The following MCPH1 variants were observed in gnomAD, a reference collection of about 807,000 sequenced individuals.
MCPH1 encodes microcephalin 1.
MCPH1 carries 104 observed loss-of-function variants against 84.5 expected under a neutral mutation model. That is an observed-to-expected ratio of 1.23 (90% CI 1.05 to 1.45). The LOEUF is 1.45. Among genes scored for constraint, MCPH1 ranks in the 40% most tolerant of loss-of-function variants. MCPH1 has a pLI of 0.00. For synonymous variants in MCPH1, 514 were observed against 366.8 expected (o/e 1.40, Z -4.58); for missense variants, 1,498 against 1,005.7 (o/e 1.49, Z -6.62).
At chr8:6,486,531 T>C (rs1349435657) in intron 11 of MCPH1, among the ~76,000 whole-genome samples, 1 of 152,212 alleles carries the variant, frequency 6.6e-6, no homozygotes, top group East Asian at 1.9e-4. Context: ...GCTAGTCTTA[T>C]CAGAAACTGT....
chr8:6,594,614 A>G (rs1308732210), intron 12 of MCPH1, among the ~76,000 whole-genome samples: 1 of 152,130 alleles, frequency 6.6e-6, no homozygotes, highest in African/African-American at 2.4e-5. Flanking sequence ...TGTTTGGAGT[A>G]TTGCCAACTG....
At position 6,414,838 on chromosome 8, in the gene MCPH1, C is replaced by G; in HGVS notation, c.188C>G (p.Ala63Gly). 1 of 1,613,788 alleles carries G rather than the reference C, an allele frequency of 6.2e-7. No individual in the cohort carries two copies. The highest frequency in any genetic ancestry group is 2.2e-5 in the East Asian group (1 of 44,880). ...GGCTACCAGAGCACTTGGGACAAAG[C>G]TCAGAAGAGAGGCGTAAAGCTCGTT... Reference protein sequence around the residue: ...KDGYQSTWDKAQKRGVKLVSV... With the variant: ...KDGYQSTWDKGQKRGVKLVSV... The change falls in exon 3 of 14, where the codon GCT (alanine) becomes GGT (glycine). Residue 63 changes from alanine to glycine, a missense_variant. Physicochemically the swap from Ala to Gly is moderately conservative, Grantham distance 60. Coordinates refer to ENST00000344683, the MANE Select transcript of MCPH1 (RefSeq NM_024596.5).
At chr8:6,579,246 G>A (rs550283261) in intron 12 of MCPH1, among the ~76,000 whole-genome samples, 42 of 152,288 alleles carry the variant, frequency 2.8e-4, no homozygotes, top group Non-Finnish European at 2.5e-4. Context: ...AAGTGACATC[G>A]GCAGAGTTCC....
chr8:6,451,352 A>G (rs1434737351), intron 8 of MCPH1, among the ~76,000 whole-genome samples: 3 of 152,236 alleles, frequency 2.0e-5, no homozygotes, highest in Non-Finnish European at 1.5e-5. Flanking sequence ...CAATGTATAA[A>G]CAGTGAGAGA....
intron 4 of MCPH1, among the ~76,000 whole-genome samples, chr8:6,432,349 AT>A (rs1011714269): frequency 4.6e-5 from 7 of 151,574 alleles, no homozygotes; most frequent in Non-Finnish European, 8.8e-5. Flanking sequence ...GTTACACTGT[AT>A]TTTTTTTTAA....
At chr8:6,469,060 G>A (rs1807370746) in intron 9 of MCPH1, among the ~76,000 whole-genome samples, 3 of 152,008 alleles carry the variant, frequency 2.0e-5, no homozygotes. Context: ...AGTTGGACAT[G>A]ATGGTGGCCA....
chr8:6,485,821 A>G (rs1300126382), intron 11 of MCPH1, among the ~76,000 whole-genome samples: 2 of 152,106 alleles, frequency 1.3e-5, no homozygotes, highest in Non-Finnish European at 2.9e-5. Flanking sequence ...ATATAAATAT[A>G]TGTTTGTGTG....
At chr8:6,532,230 C>G in intron 12 of MCPH1, 2 of 1,346,190 alleles carry the variant, frequency 1.5e-6, no homozygotes, top group Non-Finnish European at 2.1e-6. Context: ...TGTGGTGGTG[C>G]TTTCTTTAGT....
chr8:6,611,185 T>G (rs1259180719), intron 12 of MCPH1, among the ~76,000 whole-genome samples: 1 of 152,102 alleles, frequency 6.6e-6, no homozygotes, highest in Admixed American at 6.5e-5. Flanking sequence ...GTATGGGTTT[T>G]TTTCATGCCA....
intron 12 of MCPH1, among the ~76,000 whole-genome samples, chr8:6,543,246 C>T (rs1332546892): frequency 6.6e-6 from 1 of 152,198 alleles, no homozygotes; most frequent in Non-Finnish European, 1.5e-5. Context: ...CACGAAGACT[C>T]AGCGGGAACA....
intron 12 of MCPH1, among the ~76,000 whole-genome samples, chr8:6,531,974 A>G (rs17077416): frequency 0.045 from 6,861 of 152,224 alleles, 560 homozygotes; most frequent in African/African-American, 0.16. Context: ...CATTTCTCAA[A>G]TGTTCAAAGA....
At chr8:6,473,662 G>A (rs888293321) in intron 9 of MCPH1, among the ~76,000 whole-genome samples, 1 of 152,168 alleles carries the variant, frequency 6.6e-6, no homozygotes, top group African/African-American at 2.4e-5. Flanking sequence ...TATATTTGTT[G>A]TATTTCATAT....
intron 12 of MCPH1, among the ~76,000 whole-genome samples, chr8:6,563,954 T>C (rs1825906897): frequency 6.6e-6 from 1 of 151,594 alleles, no homozygotes; most frequent in African/African-American, 2.4e-5. Context: ...TTTAAGTGCC[T>C]GTGTAGAAAG....
At chr8:6,467,859 A>C (rs1807178359) in intron 9 of MCPH1, among the ~76,000 whole-genome samples, 1 of 152,176 alleles carries the variant, frequency 6.6e-6, no homozygotes, top group African/African-American at 2.4e-5. Context: ...GGGTCTCCCA[A>C]AGTGCTGGGA....
chr8:6,455,317 G>A, intron 9 of MCPH1, 65 bp downstream of exon 9: 1 of 1,167,120 alleles, frequency 8.6e-7, no homozygotes, highest in East Asian at 2.3e-5. Flanking sequence ...TCTTCTCTGG[G>A]TCAATGAAAC....
chr8:6,632,143 G>C (rs1250680648), intron 13 of MCPH1, among the ~76,000 whole-genome samples: 1 of 152,216 alleles, frequency 6.6e-6, no homozygotes, highest in African/African-American at 2.4e-5. Flanking sequence ...CAAAGTCACA[G>C]AGACAAACTA....
chr8:6,503,128 G>C, intron 12 of MCPH1: 2 of 1,614,188 alleles, frequency 1.2e-6, no homozygotes, highest in Non-Finnish European at 1.7e-6. Flanking sequence ...GGATCATCAT[G>C]GTTGTGGCCT....
chr8:6,455,222 G>A lies in MCPH1; in HGVS notation c.1905G>A (p.Glu635=). ...TTAAGGACCTCATCAAACCTCATGA[G>A]GAATTGAAGAAAAGTGGGAGAGGCA... is the stretch of plus-strand genomic sequence containing the variant. ...DGFKDLIKPH[E]ELKKSGRGKK... Residue 635 remains glutamate, a synonymous_variant, in exon 9 of 14, where the codon GAG becomes GAA. Transcript: ENST00000344683. The A allele has an allele frequency of 1.9e-6, 3 of 1,613,928 alleles. No individual in the cohort carries two copies. The highest frequency in any genetic ancestry group is 1.7e-6 in the Non-Finnish European group (2 of 1,179,870).
chr8:6,560,031 C>T (rs914616180), intron 12 of MCPH1, among the ~76,000 whole-genome samples: 2 of 152,260 alleles, frequency 1.3e-5, no homozygotes, highest in East Asian at 3.9e-4. Context: ...AGTCTAAGCT[C>T]CCTAGGCTAT....
Sources: allele counts gnomAD v4.1 joint callset (sites outside exome capture counted in the v4.1 genomes callset), GRCh38; gene constraint gnomAD v4.1.1; transcripts MANE v1.5; gene names NCBI Gene and HGNC (gene_info 2026-07-23, HGNC 2026-07-21).